Variants in WDSUB1 observed in about 807,000 individuals in gnomAD.
The protein encoded by WDSUB1 is WD repeat, sterile alpha motif and U-box domain containing 1, also known as WD repeat, SAM and U-box domain-containing protein 1.
WDSUB1 carries 49 observed loss-of-function variants against 53.9 expected under a neutral mutation model. The ratio of observed to expected loss-of-function variants is 0.91; its 90% CI spans 0.72 to 1.15. WDSUB1 has a LOEUF of 1.15. Ranked by LOEUF, WDSUB1 falls within the 50% of genes most tolerant of loss-of-function variation. WDSUB1 has a pLI of 0.00. For missense variants in WDSUB1, 514 were observed against 562.0 expected (o/e 0.91, Z 0.86); for synonymous variants, 194 against 200.6 (o/e 0.97, Z 0.28).
intron 9 of WDSUB1, among the ~76,000 whole-genome samples, chr2:159,253,200 G>T (rs57946341): frequency 6.6e-6 from 1 of 152,158 alleles, no homozygotes; most frequent in Non-Finnish European, 1.5e-5. Flanking sequence ...GATATTAAAT[G>T]TTATAGTAGT....
intron 5 of WDSUB1, among the ~76,000 whole-genome samples, chr2:159,260,268 G>A (rs2061160804): frequency 6.6e-6 from 1 of 152,104 alleles, no homozygotes; most frequent in Non-Finnish European, 1.5e-5. Context: ...TCATGCCACT[G>A]TACTCCAGCC....
intron 10 of WDSUB1, among the ~76,000 whole-genome samples, chr2:159,245,375 A>T (rs549049564): frequency 4.2e-4 from 63 of 150,976 alleles, no homozygotes; most frequent in East Asian, 2.1e-3. Flanking sequence ...TAAAAATAAT[A>T]AAAAAAAATT....
chr2:159,237,080 A>G (rs543167794), intron 10 of WDSUB1, among the ~76,000 whole-genome samples: 75 of 152,354 alleles, frequency 4.9e-4, no homozygotes, highest in African/African-American at 1.7e-3. Flanking sequence ...TCTACAGTAC[A>G]TATCACTGTT....
chr2:159,253,615 TAAACTC>T (rs2060998453), intron 9 of WDSUB1, among the ~76,000 whole-genome samples: 1 of 152,270 alleles, frequency 6.6e-6, no homozygotes, highest in Non-Finnish European at 1.5e-5. Flanking sequence ...TGCTGAATGT[TAAACTC>T]AGATTTATTC....
chr2:159,240,938 G>C (rs1223578225), intron 10 of WDSUB1, among the ~76,000 whole-genome samples: 1 of 152,166 alleles, frequency 6.6e-6, no homozygotes. Flanking sequence ...ACCTAGAAAG[G>C]CTTAAGAGAG....
chr2:159,271,946 A>G (rs2061451478), intron 4 of WDSUB1, 151 bp from the exon 5 acceptor site: 4 of 641,006 alleles, frequency 6.2e-6, no homozygotes, highest in East Asian at 2.8e-5. Flanking sequence ...TCAGATATCT[A>G]TAAGGAAATA....
chr2:159,257,519 G>A (rs2061091126), intron 8 of WDSUB1, among the ~76,000 whole-genome samples: 1 of 151,672 alleles, frequency 6.6e-6, no homozygotes, highest in Admixed American at 6.6e-5. Flanking sequence ...CCCGAGTAGC[G>A]GGGATTATAA....
intron 1 of WDSUB1, among the ~76,000 whole-genome samples, chr2:159,284,538 C>G (rs993762849): frequency 6.6e-6 from 1 of 151,880 alleles, no homozygotes; most frequent in African/African-American, 2.4e-5. Flanking sequence ...AATAAGTGAC[C>G]ATGTTGAAAG....
chr2:159,267,369 T>A (rs1224532380), intron 5 of WDSUB1, among the ~76,000 whole-genome samples: 2 of 151,670 alleles, frequency 1.3e-5, no homozygotes, highest in Non-Finnish European at 2.9e-5. Context: ...GGCATGATCA[T>A]AGGTTGCTGC....
intron 5 of WDSUB1, among the ~76,000 whole-genome samples, chr2:159,271,260 AATT>A (rs1245967716): frequency 1.3e-5 from 2 of 152,208 alleles, no homozygotes; most frequent in Non-Finnish European, 2.9e-5. Flanking sequence ...ATATTCATAG[AATT>A]ATTATTGTAA....
At chr2:159,286,095 G>A (rs1005105508) in intron 1 of WDSUB1, among the ~76,000 whole-genome samples, 5 of 152,142 alleles carry the variant, frequency 3.3e-5, no homozygotes, top group Admixed American at 3.3e-4. Flanking sequence ...GGGTAGGGGG[G>A]GCGGTGTGGG....
chr2:159,277,597 GAA>G (rs2061570643), intron 3 of WDSUB1, among the ~76,000 whole-genome samples: 1 of 152,062 alleles, frequency 6.6e-6, no homozygotes, highest in Admixed American at 6.6e-5. Context: ...AAACTGGAGA[GAA>G]ATGATCATTT....
At chr2:159,274,569 A>G (rs2061502629) in intron 4 of WDSUB1, among the ~76,000 whole-genome samples, 1 of 152,192 alleles carries the variant, frequency 6.6e-6, no homozygotes, top group African/African-American at 2.4e-5. Flanking sequence ...ACAAAAGCCA[A>G]GCATTTATCC....
intron 9 of WDSUB1, among the ~76,000 whole-genome samples, chr2:159,248,850 A>C (rs1464438479): frequency 6.6e-6 from 1 of 152,130 alleles, no homozygotes; most frequent in Non-Finnish European, 1.5e-5. Flanking sequence ...AAGTGATCCT[A>C]CTGCCTCATC....
intron 2 of WDSUB1, among the ~76,000 whole-genome samples, 162 bp downstream of exon 2, chr2:159,282,510 T>C (rs906851015): frequency 3.9e-5 from 6 of 152,182 alleles, no homozygotes; most frequent in African/African-American, 1.4e-4. Flanking sequence ...ATATTTTTCC[T>C]TGTGCTACCT....
rs2061448457 is a variant in WDSUB1, at chr2:159,271,771, G to A, written c.701C>T (p.Thr234Ile). ...AACAGGAGCACAGTGCCCACTCAGT[G>A]TACTTTTATATTTTAATTCAAAACC... is the stretch of plus-strand genomic sequence containing the variant. Reference protein sequence around the residue: ...ILGFELKYKSTLSGHCAPVLA... With the variant: ...ILGFELKYKSILSGHCAPVLA... Residue 234 changes from threonine to isoleucine, a missense_variant, in exon 5 of 11, where the codon ACA becomes ATA. Thr to Ile is a moderately conservative substitution (Grantham distance 89). Coordinates refer to ENST00000359774, the MANE Select transcript of WDSUB1 (RefSeq NM_001128212.3). 1 of 1,613,854 alleles carries A rather than the reference G, an allele frequency of 6.2e-7. No individual in the cohort carries two copies. Among genetic ancestry groups the A allele is most frequent in the Non-Finnish European group, 8.5e-7 (1 of 1,179,894 alleles).
Position 159,259,931 on chromosome 2 carries a change from A to G in WDSUB1, c.771-88T>C, listed in dbSNP as rs559425710. ...TTAGTATTTTTAAGTAATTTTAGTA[A>G]CTTTTCTAGAAAAGACAGATATTAA... On this transcript the variant is annotated intron_variant, in intron 5 of 10. Transcript: ENST00000359774. 3.1e-6 allele frequency: 4 copies of G among 1,276,662 alleles called. 1 individual carries two copies. In the Admixed American group the frequency reaches 9.1e-5, roughly 29 times the overall value. The allele number at this position is 1,276,662 out of a possible 1,614,324, so 79.1% of individuals were successfully genotyped here.
chr2:159,282,154 C>T (rs1296841963), intron 2 of WDSUB1, among the ~76,000 whole-genome samples: 1 of 151,656 alleles, frequency 6.6e-6, no homozygotes, highest in African/African-American at 2.4e-5. Context: ...TCATATTAAA[C>T]AACTCTCTGG....
At chr2:159,248,930 C>A (rs1266630773) in intron 9 of WDSUB1, among the ~76,000 whole-genome samples, 1 of 152,164 alleles carries the variant, frequency 6.6e-6, no homozygotes, top group Non-Finnish European at 1.5e-5. Context: ...TATCTACTAC[C>A]ACCAGAAATC....
Sources: gnomAD v4.1 joint callset for allele counts (sites outside exome capture counted in the v4.1 genomes callset) on GRCh38, gnomAD v4.1.1 for gene constraint, MANE v1.5 for transcripts, NCBI Gene and HGNC (gene_info 2026-07-23, HGNC 2026-07-21) for gene names.